Variants in NUP210L observed in about 807,000 individuals in gnomAD.
The protein encoded by NUP210L is nucleoporin 210 like.
A neutral mutation model predicts 208.5 loss-of-function variants in NUP210L; 74 were observed. That is an observed-to-expected ratio of 0.35 (90% CI 0.29 to 0.43). NUP210L has a LOEUF of 0.43. NUP210L is among the 20% of genes least tolerant of loss of function. The pLI is 1.00. For missense variants in NUP210L, 1,843 were observed against 2,289.4 expected, an observed-to-expected ratio of 0.81 and a Z score of 3.98; for synonymous variants, 780 against 816.9, an observed-to-expected ratio of 0.95 and a Z score of 0.77.
intron 7 of NUP210L, among the ~76,000 whole-genome samples, chr1:154,134,554 A>G (rs1367594472): frequency 1.3e-5 from 2 of 150,106 alleles, no homozygotes; most frequent in African/African-American, 4.9e-5. Flanking sequence ...TGGCTAACAC[A>G]GTGAAACCCC....
At chr1:154,054,252 A>G in exon 25 of NUP210L, 1 of 1,614,206 alleles carries the variant, frequency 6.2e-7, no homozygotes, top group Admixed American at 1.7e-5. Context: ...TGACTTTGCC[A>G]GTATCTTCAT....
chr1:154,095,984 T>C (rs542681888), intron 14 of NUP210L, among the ~76,000 whole-genome samples: 12 of 152,198 alleles, frequency 7.9e-5, no homozygotes, highest in Non-Finnish European at 1.6e-4. Flanking sequence ...CTGGGATACA[T>C]GTGCAGAATG....
At chr1:154,133,579 C>T (rs1197481619) in intron 7 of NUP210L, among the ~76,000 whole-genome samples, 1 of 151,534 alleles carries the variant, frequency 6.6e-6, no homozygotes, top group Admixed American at 6.6e-5. Flanking sequence ...GTGGCTCATG[C>T]CTGGAATCCT....
intron 27 of NUP210L, among the ~76,000 whole-genome samples, chr1:154,034,584 CTCCCAAAG>C (rs1652427866): frequency 6.6e-6 from 1 of 152,136 alleles, no homozygotes; most frequent in Non-Finnish European, 1.5e-5. Context: ...CTGCCTTGGC[CTCCCAAAG>C]TGCTGGGATT....
intron 25 of NUP210L, among the ~76,000 whole-genome samples, chr1:154,049,020 A>T (rs1436475441): frequency 6.6e-6 from 1 of 152,180 alleles, no homozygotes; most frequent in Non-Finnish European, 1.5e-5. Flanking sequence ...AACTACTGAT[A>T]AACATCCTCC....
At position 154,105,620 on chromosome 1, in the gene NUP210L, G is replaced by A. The variant is rs186313366; in HGVS notation, c.1621-1410C>T. On this transcript the variant is annotated intron_variant, in intron 12 of 39. Coordinates refer to ENST00000368559, the Ensembl canonical transcript of NUP210L. The stretch of plus-strand genomic sequence containing the variant: ...GTACATTCCCAGCTGTGATGACCAT[G>A]AGCAGAGACTTCTTCTGCTTAAGAA... 3.6e-3 allele frequency among the ~76,000 whole-genome samples: 554 copies of A among 152,322 alleles called. 2 individuals are homozygous for A. Among genetic ancestry groups the A allele is most frequent in the Admixed American group, 6.6e-3 (101 of 15,292 alleles).
intron 27 of NUP210L, among the ~76,000 whole-genome samples, chr1:154,033,516 A>G (rs1652369357): frequency 6.6e-6 from 1 of 152,084 alleles, no homozygotes; most frequent in African/African-American, 2.4e-5. Flanking sequence ...TTTTTCCGCA[A>G]TGTGTATTCT....
At chr1:154,132,668 AT>A (rs1357394164) in intron 7 of NUP210L, among the ~76,000 whole-genome samples, 2 of 152,212 alleles carry the variant, frequency 1.3e-5, no homozygotes, top group African/African-American at 4.8e-5. Flanking sequence ...AAAAAAGAAC[AT>A]TTAAGTTCAC....
At chr1:154,089,591 G>A in exon 16 of NUP210L, 1 of 1,613,638 alleles carries the variant, frequency 6.2e-7, no homozygotes, top group Non-Finnish European at 8.5e-7. Flanking sequence ...CGGAATGTGA[G>A]AACCTTTAAG....
chr1:154,072,250 T>TA, intron 16 of NUP210L, among the ~76,000 whole-genome samples: 1 of 152,006 alleles, frequency 6.6e-6, no homozygotes, highest in South Asian at 2.1e-4. Context: ...ACCAGCAGCA[T>TA]AAAGTGTTCC....
chr1:154,096,397 TG>T (rs1656182432), intron 14 of NUP210L, among the ~76,000 whole-genome samples: 1 of 152,186 alleles, frequency 6.6e-6, no homozygotes, highest in South Asian at 2.1e-4. Context: ...AATAAAGTCT[TG>T]TCTCACAGGG....
chr1:154,043,644 T>TG (rs34666138), intron 27 of NUP210L, among the ~76,000 whole-genome samples: 1 of 148,530 alleles, frequency 6.7e-6, no homozygotes, highest in Non-Finnish European at 1.5e-5. Flanking sequence ...TTTTTTTTTT[T>TG]GAGATAGAAT....
chr1:154,127,131 A>AAAG (rs970982508), intron 9 of NUP210L, among the ~76,000 whole-genome samples, 180 bp downstream of exon 9: 12 of 151,600 alleles, frequency 7.9e-5, no homozygotes, highest in South Asian at 2.1e-4. Flanking sequence ...AAAAGAAGAA[A>AAAG]AAGAAGAAGA....
chr1:154,024,388 G>C (rs1421694353), intron 30 of NUP210L, among the ~76,000 whole-genome samples: 1 of 152,090 alleles, frequency 6.6e-6, no homozygotes, highest in Non-Finnish European at 1.5e-5. Flanking sequence ...TAGGGCTTTT[G>C]TGGTAGTTAA....
Position 154,144,656 on chromosome 1 carries a change from C to T in NUP210L, c.341-1079G>A, listed in dbSNP as rs1358372562. ...ATGTATTTGAGAACTGTCTATATAG[C>T]TGTTCCATTCTACTATTGTAACATT... On this transcript the variant is annotated intron_variant, in intron 2 of 39. Coordinates refer to ENST00000368559, the Ensembl canonical transcript of NUP210L. Among the ~76,000 whole-genome samples, 5 of 152,226 alleles carry T rather than the reference C, an allele frequency of 3.3e-5. No homozygotes were observed. In the East Asian group the frequency reaches 7.7e-4, roughly 23 times the overall value.
exon 35 of NUP210L, chr1:154,009,991 T>C (rs2147905634): frequency 6.2e-7 from 1 of 1,611,036 alleles, no homozygotes; most frequent in Non-Finnish European, 8.5e-7. Flanking sequence ...TACTGAAATC[T>C]GAATGGACCT....
intron 13 of NUP210L, among the ~76,000 whole-genome samples, chr1:154,102,448 A>T (rs1205299647): frequency 6.6e-6 from 1 of 152,132 alleles, no homozygotes; most frequent in Non-Finnish European, 1.5e-5. Flanking sequence ...CATGGGAAAT[A>T]AGGGGCTAAA....
intron 27 of NUP210L, among the ~76,000 whole-genome samples, chr1:154,038,908 C>T (rs1234236928): frequency 6.6e-6 from 1 of 152,142 alleles, no homozygotes; most frequent in African/African-American, 2.4e-5. Flanking sequence ...AAACTCTGCA[C>T]TTTATCTCTC....
At chr1:154,017,081 G>C (rs1651292939) in intron 33 of NUP210L, among the ~76,000 whole-genome samples, 1 of 152,114 alleles carries the variant, frequency 6.6e-6, no homozygotes, top group South Asian at 2.1e-4. Flanking sequence ...AGTAGTTCGA[G>C]ACCAGCCTGG....
Sources: gnomAD v4.1 joint callset for allele counts (sites outside exome capture counted in the v4.1 genomes callset) on GRCh38, gnomAD v4.1.1 for gene constraint, MANE v1.5 for transcripts, NCBI Gene and HGNC (gene_info 2026-07-23, HGNC 2026-07-21) for gene names.